Variants in HS3ST5 observed in about 807,000 individuals in gnomAD.
HS3ST5 encodes the protein heparan sulfate glucosamine 3-O-sulfotransferase 5.
A neutral mutation model predicts 25.4 loss-of-function variants in HS3ST5; 10 were observed. The observed-to-expected ratio is 0.39, with a 90% CI of 0.24 to 0.67. HS3ST5 has a LOEUF of 0.67. HS3ST5 is among the 30% of genes least tolerant of loss of function. The probability of loss-of-function intolerance (pLI) is 0.44; values close to 1 mark genes in which losing one functional copy is unlikely to be tolerated. For synonymous variants in HS3ST5, 170 were observed against 162.4 expected, an observed-to-expected ratio of 1.05 and a Z score of -0.36; for missense variants, 324 against 420.7, an observed-to-expected ratio of 0.77 and a Z score of 2.01.
At chr6:114,090,394 A>C (rs999051724) in intron 3 of HS3ST5, among the ~76,000 whole-genome samples, 3 of 152,100 alleles carry the variant, frequency 2.0e-5, no homozygotes, top group African/African-American at 2.4e-5. Context: ...CTGAAGTAGT[A>C]AATGAATGTC....
In HS3ST5 at chr6:114,277,861, T is replaced by C. The variant is rs561485255; in HGVS notation, c.-338-49083A>G. Among the ~76,000 whole-genome samples, 5 of 152,102 alleles carry C rather than the reference T, an allele frequency of 3.3e-5. No individual in the cohort carries two copies. In the South Asian group the frequency reaches 1.0e-3, roughly 32 times the overall value. On this transcript the variant is annotated intron_variant, in intron 1 of 4. Coordinates refer to ENST00000312719, the MANE Select transcript of HS3ST5 (RefSeq NM_153612.4). ...CTCATTGCAGGTTGCCTTGTCGAGG[T>C]TATAGTTGTAATTACAAAGGAACAA... is the stretch of plus-strand genomic sequence containing the variant.
At position 114,289,704 on chromosome 6, in the gene HS3ST5, C is replaced by T. The variant is rs116503893; in HGVS notation, c.-339+52491G>A. Among the ~76,000 whole-genome samples, 1,460 of 152,190 alleles carry T rather than the reference C, an allele frequency of 9.6e-3. 25 individuals are homozygous for T. Among genetic ancestry groups the T allele is most frequent in the African/African-American group, 0.033 (1,375 of 41,498 alleles). On this transcript the variant is annotated intron_variant, in intron 1 of 4. Transcript: ENST00000312719. ...GGAAGACTGTAAAGAAAAGTAATTT[C>T]CAGAACCCACTTGCTCACTAATGTG...
At chr6:114,088,461 A>G (rs1209142064) in intron 3 of HS3ST5, among the ~76,000 whole-genome samples, 4 of 148,904 alleles carry the variant, frequency 2.7e-5, no homozygotes, top group Admixed American at 6.7e-5. Context: ...CTTTAGCTTC[A>G]CTGACTGGAA....
chr6:114,208,787 A>G (rs1237289771), intron 2 of HS3ST5, among the ~76,000 whole-genome samples: 1 of 152,210 alleles, frequency 6.6e-6, no homozygotes, highest in African/African-American at 2.4e-5. Context: ...TGAGAAGGCG[A>G]TGATAATGCC....
At chr6:114,127,855 T>TATAG (rs1446156144) in intron 3 of HS3ST5, among the ~76,000 whole-genome samples, 6,298 of 147,002 alleles carry the variant, frequency 0.043, 184 homozygotes, top group Non-Finnish European at 0.059. Context: ...TATATATATA[T>TATAG]AGAGAGAGAG....
At chr6:114,240,472 A>T (rs1371332554) in intron 1 of HS3ST5, among the ~76,000 whole-genome samples, 1 of 152,170 alleles carries the variant, frequency 6.6e-6, no homozygotes, top group Admixed American at 6.5e-5. Flanking sequence ...GAGAGGAGCT[A>T]TCTGGTATTT....
intron 3 of HS3ST5, chr6:114,084,269 G>A: frequency 1.2e-6 from 1 of 843,866 alleles, no homozygotes; most frequent in Non-Finnish European, 2.0e-6. Context: ...TATTCAGTAG[G>A]GAACTGCTGA....
At chr6:114,323,883 A>T (rs1468471898) in intron 1 of HS3ST5, among the ~76,000 whole-genome samples, 1 of 152,124 alleles carries the variant, frequency 6.6e-6, no homozygotes, top group Non-Finnish European at 1.5e-5. Flanking sequence ...TTTAGGGCCA[A>T]AGAGGCCTGG....
intron 1 of HS3ST5, among the ~76,000 whole-genome samples, chr6:114,242,471 ATATAACTTT>A (rs2114590819): frequency 6.6e-6 from 1 of 152,312 alleles, no homozygotes; most frequent in Admixed American, 6.5e-5. Context: ...AATGTATACT[ATATAACTTT>A]TAGAGGAGGA....
intron 1 of HS3ST5, among the ~76,000 whole-genome samples, chr6:114,299,590 T>C (rs1338163126): frequency 6.6e-6 from 1 of 152,142 alleles, no homozygotes; most frequent in African/African-American, 2.4e-5. Context: ...TTCTCTCTTT[T>C]GTATTCTGTC....
At chr6:114,284,712 T>TAA (rs202169979) in intron 1 of HS3ST5, among the ~76,000 whole-genome samples, 4,950 of 151,956 alleles carry the variant, frequency 0.033, 289 homozygotes, top group African/African-American at 0.11. Flanking sequence ...ACAGTCATAA[T>TAA]AGTTATATTG....
intron 3 of HS3ST5, among the ~76,000 whole-genome samples, chr6:114,115,866 T>C (rs1776500978): frequency 6.6e-6 from 1 of 152,108 alleles, no homozygotes; most frequent in African/African-American, 2.4e-5. Flanking sequence ...TCCTAGCAGT[T>C]TGTCATTTAG....
At chr6:114,177,722 T>C (rs1485770875) in intron 2 of HS3ST5, among the ~76,000 whole-genome samples, 2 of 152,226 alleles carry the variant, frequency 1.3e-5, no homozygotes, top group Non-Finnish European at 2.9e-5. Context: ...AATTTCCTTT[T>C]GTAAGAGTTT....
At chr6:114,119,989 A>G (rs985452899) in intron 3 of HS3ST5, among the ~76,000 whole-genome samples, 5 of 152,184 alleles carry the variant, frequency 3.3e-5, no homozygotes, top group African/African-American at 9.6e-5. Context: ...TACCAAAAAT[A>G]CAAAAATTAC....
intron 3 of HS3ST5, among the ~76,000 whole-genome samples, chr6:114,128,462 G>C (rs9488332): frequency 0.013 from 2,025 of 152,144 alleles, 34 homozygotes; most frequent in African/African-American, 0.043. Context: ...CTTTTCCAAG[G>C]CCTGGGGATA....
chr6:114,320,603 G>T (rs577428468), intron 1 of HS3ST5, among the ~76,000 whole-genome samples: 3 of 152,136 alleles, frequency 2.0e-5, no homozygotes, highest in Admixed American at 2.0e-4. Flanking sequence ...CATTTTGGTA[G>T]CAGTATCGGG....
intron 3 of HS3ST5, among the ~76,000 whole-genome samples, chr6:114,147,210 CTGAG>C (rs1487068935): frequency 6.6e-6 from 1 of 152,194 alleles, no homozygotes; most frequent in African/African-American, 2.4e-5. Context: ...GATGCAAAGA[CTGAG>C]TGGGATTTTG....
At position 114,243,755 on chromosome 6, in the gene HS3ST5, C is replaced by T. The variant is rs935555132; in HGVS notation, c.-338-14977G>A. ...GAAGGTGGGATGTCTTTCTCTACCC[C>T]TTTTCTTTGTATTTGACCATGTGAC... On this transcript the variant is annotated intron_variant, in intron 1 of 4. Transcript: ENST00000312719. Among the ~76,000 whole-genome samples the T allele has an allele frequency of 4.6e-4, 70 of 152,268 alleles. 1 individual carries two copies. Among genetic ancestry groups the T allele is most frequent in the Admixed American group, 4.1e-3 (62 of 15,282 alleles).
intron 3 of HS3ST5, among the ~76,000 whole-genome samples, chr6:114,147,890 A>G (rs1778249438): frequency 6.6e-6 from 1 of 152,016 alleles, no homozygotes; most frequent in African/African-American, 2.4e-5. Context: ...AGAGAAATAA[A>G]CTTCTCTTAG....
Sources: gnomAD v4.1 joint callset for allele counts (sites outside exome capture counted in the v4.1 genomes callset) on GRCh38, gnomAD v4.1.1 for gene constraint, MANE v1.5 for transcripts, NCBI Gene and HGNC (gene_info 2026-07-23, HGNC 2026-07-21) for gene names.